The following TENM2 variants were observed in gnomAD, a reference collection of about 807,000 sequenced individuals.
TENM2 encodes teneurin transmembrane protein 2.
Under a neutral mutation model 245.2 loss-of-function variants are expected in TENM2, and 52 were observed. The observed-to-expected ratio is 0.21, with a 90% CI of 0.17 to 0.27. The LOEUF (loss-of-function observed/expected upper bound fraction) is 0.27. Among genes scored for constraint, TENM2 ranks in the 10% least tolerant of loss-of-function variants. The probability of loss-of-function intolerance (pLI) is 1.00; values close to 1 mark genes in which losing one functional copy is unlikely to be tolerated. For synonymous variants in TENM2, 1,363 were observed against 1,438.9 expected (o/e 0.95, Z 1.19); for missense variants, 3,046 against 3,666.8 (o/e 0.83, Z 4.37).
At chr5:167,997,154 G>A (rs953965585) in intron 5 of TENM2, among the ~76,000 whole-genome samples, 3 of 152,286 alleles carry the variant, frequency 2.0e-5, no homozygotes, top group Admixed American at 6.5e-5. Flanking sequence ...CACTGACACC[G>A]AGGCCCAGAG....
chr5:167,489,060 A>G (rs1300585044), intron 2 of TENM2, among the ~76,000 whole-genome samples: 11 of 152,190 alleles, frequency 7.2e-5, no homozygotes, highest in Admixed American at 6.5e-4. Context: ...GGTCGAAGCC[A>G]CCACCATCAC....
intron 2 of TENM2, among the ~76,000 whole-genome samples, chr5:167,650,257 G>C (rs926997750): frequency 3.9e-5 from 6 of 152,210 alleles, no homozygotes; most frequent in African/African-American, 1.4e-4. Context: ...AGCATACTTT[G>C]TTCTTTATGC....
intron 2 of TENM2, among the ~76,000 whole-genome samples, chr5:167,780,945 G>GT (rs1249938734): frequency 7.9e-5 from 12 of 151,938 alleles, no homozygotes; most frequent in African/African-American, 1.9e-4. Context: ...TTATTTATTT[G>GT]TTTTTTTGAC....
chr5:167,378,215 T>G (rs1288759704), intron 2 of TENM2, among the ~76,000 whole-genome samples: 2 of 152,124 alleles, frequency 1.3e-5, no homozygotes, highest in Admixed American at 1.3e-4. Flanking sequence ...GAAGTGTATA[T>G]TCAGTCTGCA....
chr5:167,750,416 G>A (rs115325851), intron 2 of TENM2, among the ~76,000 whole-genome samples: 4 of 152,050 alleles, frequency 2.6e-5, no homozygotes, highest in Non-Finnish European at 4.4e-5. Flanking sequence ...CATTGTCCTC[G>A]TCATCCTGTA....
At chr5:167,547,189 G>A (rs1013134388) in intron 2 of TENM2, among the ~76,000 whole-genome samples, 4 of 152,120 alleles carry the variant, frequency 2.6e-5, no homozygotes, top group African/African-American at 7.2e-5. Context: ...AGGTTCAAGC[G>A]ATTCTGTTGC....
intron 9 of TENM2, among the ~76,000 whole-genome samples, chr5:168,102,991 T>C (rs1793942376): frequency 6.6e-6 from 1 of 152,180 alleles, no homozygotes; most frequent in Non-Finnish European, 1.5e-5. Context: ...TAACTCATCA[T>C]TTAACATTAG....
chr5:166,986,161 A>G, the TENM2 span, among the ~76,000 whole-genome samples: 14 of 152,184 alleles, frequency 9.2e-5, no homozygotes, highest in Non-Finnish European at 1.9e-4. Flanking sequence ...TTTATTGACC[A>G]TTATGAATAA....
At chr5:168,051,912 C>A (rs544443908) in intron 6 of TENM2, among the ~76,000 whole-genome samples, 24 of 152,278 alleles carry the variant, frequency 1.6e-4, no homozygotes, top group African/African-American at 5.3e-4. Flanking sequence ...CTCAGCTGGT[C>A]CATTTAACAA....
At chr5:167,756,319 C>T (rs1267590716) in intron 2 of TENM2, among the ~76,000 whole-genome samples, 3 of 152,138 alleles carry the variant, frequency 2.0e-5, no homozygotes, top group African/African-American at 7.2e-5. Context: ...CATGCCCCAC[C>T]TCTCTTTTCC....
At chr5:167,141,948 TGAG>T in the TENM2 span, among the ~76,000 whole-genome samples, 1 of 152,164 alleles carries the variant, frequency 6.6e-6, no homozygotes, top group East Asian at 1.9e-4. Context: ...AAGTTTTTAA[TGAG>T]GAGTAGTCAC....
At chr5:167,317,505 A>T (rs902240106) in intron 1 of TENM2, among the ~76,000 whole-genome samples, 2 of 151,698 alleles carry the variant, frequency 1.3e-5, no homozygotes, top group East Asian at 3.9e-4. Flanking sequence ...CAGGAAATGG[A>T]TCCCTGAGCA....
At chr5:167,276,997 C>T in the TENM2 span, among the ~76,000 whole-genome samples, 1 of 152,056 alleles carries the variant, frequency 6.6e-6, no homozygotes, top group Admixed American at 6.6e-5. Flanking sequence ...AATTTGTGTC[C>T]TCCATTTTTT....
the TENM2 span, among the ~76,000 whole-genome samples, chr5:167,082,212 A>G: frequency 1.3e-5 from 2 of 152,188 alleles, no homozygotes; most frequent in Non-Finnish European, 2.9e-5. Context: ...AATGCATATC[A>G]GTAGTGGTAT....
chr5:168,133,275 A>G (rs1033127778), intron 12 of TENM2, among the ~76,000 whole-genome samples: 28 of 152,218 alleles, frequency 1.8e-4, no homozygotes, highest in African/African-American at 6.0e-4. Context: ...ATTATTGCTT[A>G]GGGAGGGGGC....
chr5:167,823,882 G>T (rs567300937), intron 2 of TENM2, among the ~76,000 whole-genome samples: 2 of 152,178 alleles, frequency 1.3e-5, no homozygotes, highest in African/African-American at 4.8e-5. Flanking sequence ...TAGAGAAGCT[G>T]CCCTGGCCAT....
chr5:167,096,912 T>C, the TENM2 span, among the ~76,000 whole-genome samples: 1 of 152,188 alleles, frequency 6.6e-6, no homozygotes, highest in South Asian at 2.1e-4. Flanking sequence ...TTGGTTTGGT[T>C]AAACTGCTGA....
At chr5:167,680,062 G>A (rs1429203488) in intron 2 of TENM2, among the ~76,000 whole-genome samples, 1 of 151,988 alleles carries the variant, frequency 6.6e-6, no homozygotes, top group Non-Finnish European at 1.5e-5. Flanking sequence ...ACAGGCTTTG[G>A]AGAAAGTATT....
At chr5:167,084,537 G>T in the TENM2 span, among the ~76,000 whole-genome samples, 1 of 151,212 alleles carries the variant, frequency 6.6e-6, no homozygotes, top group Non-Finnish European at 1.5e-5. Flanking sequence ...CTCCGTTAAG[G>T]ATTAAACATA....
Sources: allele counts gnomAD v4.1 joint callset (sites outside exome capture counted in the v4.1 genomes callset), GRCh38; gene constraint gnomAD v4.1.1; transcripts MANE v1.5; gene names NCBI Gene and HGNC (gene_info 2026-07-23, HGNC 2026-07-21).